Variants in ZNF385D observed in about 807,000 individuals in gnomAD.
ZNF385D encodes the protein zinc finger protein 659.
A neutral mutation model predicts 35.8 loss-of-function variants in ZNF385D; 15 were observed. That is an observed-to-expected ratio of 0.42 (90% CI 0.28 to 0.64). The LOEUF (loss-of-function observed/expected upper bound fraction) is 0.64, where lower values mean the gene tolerates loss of function less well. Ranked by LOEUF, ZNF385D falls within the 30% of genes least tolerant of loss-of-function variation. The pLI is 0.23. For missense variants in ZNF385D, 474 were observed against 494.6 expected (o/e 0.96, Z 0.39); for synonymous variants, 212 against 186.8 (o/e 1.13, Z -1.10).
At chr3:21,848,135 T>C (rs967051096) in intron 3 of ZNF385D, among the ~76,000 whole-genome samples, 1 of 152,048 alleles carries the variant, frequency 6.6e-6, no homozygotes, top group African/African-American at 2.4e-5. Flanking sequence ...CTTAGCATAA[T>C]ATCCTCAAAG....
intron 3 of ZNF385D, among the ~76,000 whole-genome samples, chr3:21,805,376 C>T (rs1197580973): frequency 6.6e-6 from 1 of 152,156 alleles, no homozygotes; most frequent in South Asian, 2.1e-4. Context: ...TTGCAGTTTT[C>T]ACCATGTGGA....
At chr3:22,256,474 T>G (rs1022496759) in intron 2 of ZNF385D, among the ~76,000 whole-genome samples, 43 of 151,802 alleles carry the variant, frequency 2.8e-4, no homozygotes, top group Admixed American at 2.8e-3. Flanking sequence ...GCCTACAGAG[T>G]CATCTTTCAG....
At chr3:22,025,712 G>A (rs1002427653) in intron 3 of ZNF385D, among the ~76,000 whole-genome samples, 1 of 152,168 alleles carries the variant, frequency 6.6e-6, no homozygotes, top group Non-Finnish European at 1.5e-5. Context: ...TAGAGGAAGG[G>A]ATCCAAAGGC....
At chr3:22,042,320 T>C (rs1461328064) in intron 3 of ZNF385D, among the ~76,000 whole-genome samples, 5 of 152,138 alleles carry the variant, frequency 3.3e-5, no homozygotes, top group African/African-American at 9.7e-5. Context: ...GATTAGTGTA[T>C]GGCCCATATT....
intron 2 of ZNF385D, among the ~76,000 whole-genome samples, chr3:22,325,622 G>C (rs1694639724): frequency 6.6e-6 from 1 of 152,066 alleles, no homozygotes; most frequent in Non-Finnish European, 1.5e-5. Flanking sequence ...AGCCGGGCAT[G>C]GTGATACAAA....
At chr3:21,832,454 A>G (rs1695052907) in intron 3 of ZNF385D, among the ~76,000 whole-genome samples, 1 of 152,198 alleles carries the variant, frequency 6.6e-6, no homozygotes, top group Non-Finnish European at 1.5e-5. Flanking sequence ...TCTAGCTAAT[A>G]GGGTGTCATA....
At chr3:21,790,348 T>C (rs1489444486) in intron 3 of ZNF385D, among the ~76,000 whole-genome samples, 9 of 152,120 alleles carry the variant, frequency 5.9e-5, no homozygotes, top group Non-Finnish European at 1.3e-4. Context: ...AATGGAAAGA[T>C]TGATCAAATT....
chr3:22,328,907 C>T (rs1242175165), intron 2 of ZNF385D, among the ~76,000 whole-genome samples: 1 of 151,516 alleles, frequency 6.6e-6, no homozygotes, highest in Non-Finnish European at 1.5e-5. Flanking sequence ...AACCCCGTCT[C>T]TACTAAAAAT....
At chr3:22,174,278 A>G (rs1354518024) in intron 2 of ZNF385D, among the ~76,000 whole-genome samples, 1 of 152,180 alleles carries the variant, frequency 6.6e-6, no homozygotes, top group Admixed American at 6.6e-5. Context: ...CGTTTTGTCT[A>G]TGATTGCCTT....
intron 3 of ZNF385D, among the ~76,000 whole-genome samples, chr3:21,931,884 G>A (rs192067122): frequency 3.3e-5 from 5 of 152,140 alleles, no homozygotes; most frequent in South Asian, 2.1e-4. Flanking sequence ...ACTTGAGGCC[G>A]GGCGCGGTGG....
intron 3 of ZNF385D, among the ~76,000 whole-genome samples, chr3:21,559,156 G>C (rs760483609): frequency 3.9e-5 from 6 of 152,074 alleles, no homozygotes; most frequent in Non-Finnish European, 5.9e-5. Context: ...GGGGCATCTA[G>C]TCCTTTTACA....
At chr3:21,876,268 G>A (rs539531164) in intron 3 of ZNF385D, among the ~76,000 whole-genome samples, 1 of 147,074 alleles carries the variant, frequency 6.8e-6, no homozygotes, top group South Asian at 2.1e-4. Context: ...AATCTGGTGT[G>A]TTTTTTTTTT....
At chr3:22,031,799 G>C (rs564574537) in intron 3 of ZNF385D, among the ~76,000 whole-genome samples, 2 of 152,294 alleles carry the variant, frequency 1.3e-5, no homozygotes, top group South Asian at 4.1e-4. Context: ...TGGTCACGCT[G>C]CCAATTTCCA....
At chr3:22,129,545 C>G (rs188485122) in intron 3 of ZNF385D, among the ~76,000 whole-genome samples, 29 of 152,242 alleles carry the variant, frequency 1.9e-4, no homozygotes, top group African/African-American at 6.3e-4. Flanking sequence ...GGTTGCAAGA[C>G]AGAATCCTCT....
rs113920948 is a variant in ZNF385D at position 21,982,582 on chromosome 3, T to C, written c.325+186235A>G. Among the ~76,000 whole-genome samples, 24 of 152,310 alleles carry C rather than the reference T, an allele frequency of 1.6e-4. 1 individual carries two copies. Among genetic ancestry groups the C allele is most frequent in the African/African-American group, 4.8e-4 (20 of 41,580 alleles). Reference sequence around the variant, plus strand: ...TATTTGGAAGCCCTTTATTCCTTTCTCTTGCCTGTTTGCTCTGGTTAGGAC... The same window carrying C: ...TATTTGGAAGCCCTTTATTCCTTTCCCTTGCCTGTTTGCTCTGGTTAGGAC... On this transcript the variant is annotated intron_variant, in intron 3 of 5. Coordinates refer to the ZNF385D transcript ENST00000494108.
At chr3:21,706,150 A>T (rs1482802822) in intron 1 of ZNF385D, among the ~76,000 whole-genome samples, 1 of 152,228 alleles carries the variant, frequency 6.6e-6, no homozygotes, top group Non-Finnish European at 1.5e-5. Context: ...AAATTGGCTT[A>T]CCTTTCTCAA....
intron 3 of ZNF385D, among the ~76,000 whole-genome samples, chr3:21,760,638 C>G (rs974692554): frequency 5.9e-5 from 9 of 152,106 alleles, no homozygotes; most frequent in African/African-American, 1.9e-4. Context: ...AAAGGTCATA[C>G]TTTTCTTTAT....
chr3:21,473,687 A>T (rs1471206337), intron 4 of ZNF385D, among the ~76,000 whole-genome samples: 1 of 152,044 alleles, frequency 6.6e-6, no homozygotes, highest in Non-Finnish European at 1.5e-5. Flanking sequence ...CAGTTTCTCT[A>T]ATATGCTAAT....
chr3:22,000,943 C>G (rs141110331), intron 3 of ZNF385D, among the ~76,000 whole-genome samples: 2 of 151,150 alleles, frequency 1.3e-5, no homozygotes, highest in South Asian at 2.1e-4. Context: ...GGAAAATTAT[C>G]TGCCATCATA....
Sources: gnomAD v4.1 joint callset for allele counts (sites outside exome capture counted in the v4.1 genomes callset) on GRCh38, gnomAD v4.1.1 for gene constraint, MANE v1.5 for transcripts, NCBI Gene and HGNC (gene_info 2026-07-23, HGNC 2026-07-21) for gene names.